ATP2C1: variants seen among roughly 807,000 people sequenced by gnomAD.
ATP2C1 encodes ATPase secretory pathway Ca2+ transporting 1, also known as calcium-transporting ATPase type 2C member 1.
A neutral mutation model predicts 120.5 loss-of-function variants in ATP2C1; 31 were observed. The observed-to-expected ratio is 0.26, with a 90% CI of 0.19 to 0.35. The LOEUF (loss-of-function observed/expected upper bound fraction) is 0.35. Ranked by LOEUF, ATP2C1 falls within the 10% of genes least tolerant of loss-of-function variation. The probability of loss-of-function intolerance (pLI) is 1.00; values close to 1 mark genes in which losing one functional copy is unlikely to be tolerated. For synonymous variants in ATP2C1, 351 were observed against 358.7 expected (o/e 0.98, Z 0.24); for missense variants, 731 against 1,107.5 (o/e 0.66, Z 4.83).
chr3:130,968,096 TGAGA>T (rs1383270885), intron 16 of ATP2C1, among the ~76,000 whole-genome samples: 2 of 152,164 alleles, frequency 1.3e-5, no homozygotes, highest in African/African-American at 4.8e-5. Context: ...TTGCTTGAAA[TGAGA>T]GACAGTACAG....
intron 18 of ATP2C1, among the ~76,000 whole-genome samples, chr3:130,977,920 AT>A (rs2061593311): frequency 6.6e-6 from 1 of 152,158 alleles, no homozygotes; most frequent in Non-Finnish European, 1.5e-5. Context: ...ATATTAGAGT[AT>A]ATTTTGTTTT....
chr3:130,961,865 T>G (rs1212672720), intron 12 of ATP2C1, among the ~76,000 whole-genome samples: 1 of 152,040 alleles, frequency 6.6e-6, no homozygotes, highest in Non-Finnish European at 1.5e-5. Flanking sequence ...GCCGTAATGA[T>G]GTGGGTGAAA....
At position 130,917,045 on chromosome 3, in the gene ATP2C1, A is replaced by G. The variant is rs372742527; in HGVS notation, c.7-13371A>G. Reference sequence around the variant, plus strand: ...AACTTCACGATGGTGTGAAAGCAGTAGACATTCAGTAGAAACTGTACTTCT... The same window carrying G: ...AACTTCACGATGGTGTGAAAGCAGTGGACATTCAGTAGAAACTGTACTTCT... On this transcript the variant is annotated intron_variant, in intron 2 of 27. Coordinates refer to ENST00000510168, the MANE Select transcript of ATP2C1 (RefSeq NM_001378687.1). 1.6e-4 allele frequency among the ~76,000 whole-genome samples: 24 copies of G among 152,342 alleles called. 1 individual carries two copies. In the South Asian group the frequency reaches 4.6e-3, roughly 29 times the overall value.
chr3:130,998,166 A>T, intron 25 of ATP2C1, 128 bp from the exon 26 acceptor site: 4 of 691,454 alleles, frequency 5.8e-6, no homozygotes, highest in African/African-American at 3.6e-5. Flanking sequence ...GGTAGCTTTT[A>T]TGTTTCATGT....
intron 1 of ATP2C1, among the ~76,000 whole-genome samples, chr3:130,851,234 T>TA (rs1343524335): frequency 2.0e-5 from 3 of 152,248 alleles, no homozygotes; most frequent in Non-Finnish European, 4.4e-5. Flanking sequence ...ATGCCTCAGA[T>TA]ACAAAATTTG....
chr3:130,952,622 T>C (rs950385982), intron 8 of ATP2C1, among the ~76,000 whole-genome samples: 2 of 152,208 alleles, frequency 1.3e-5, no homozygotes, highest in Admixed American at 1.3e-4. Context: ...CAGTAATTTA[T>C]CCTGTTTTCT....
intron 11 of ATP2C1, among the ~76,000 whole-genome samples, chr3:130,956,747 T>A (rs1051393048): frequency 6.6e-6 from 1 of 152,188 alleles, no homozygotes; most frequent in Non-Finnish European, 1.5e-5. Flanking sequence ...TTAAGTATTG[T>A]CATTAACTTC....
intron 2 of ATP2C1, among the ~76,000 whole-genome samples, chr3:130,896,073 A>G (rs1352551298): frequency 6.6e-6 from 1 of 152,210 alleles, no homozygotes; most frequent in Non-Finnish European, 1.5e-5. Flanking sequence ...TGCACATGAG[A>G]CAAAGAATGT....
intron 1 of ATP2C1, among the ~76,000 whole-genome samples, chr3:130,872,147 A>G (rs530027125): frequency 1.3e-5 from 2 of 152,310 alleles, no homozygotes; most frequent in East Asian, 3.9e-4. Context: ...GAGAATTTCA[A>G]TTGTTGATTT....
At chr3:130,879,943 G>A (rs762331754) in intron 1 of ATP2C1, among the ~76,000 whole-genome samples, 11 of 152,156 alleles carry the variant, frequency 7.2e-5, no homozygotes, top group Non-Finnish European at 1.2e-4. Flanking sequence ...TGACCTCATC[G>A]CTGGAATGGG....
At chr3:130,923,536 T>G (rs1464168778) in intron 2 of ATP2C1, among the ~76,000 whole-genome samples, 1 of 151,036 alleles carries the variant, frequency 6.6e-6, no homozygotes, top group Non-Finnish European at 1.5e-5. Context: ...CTTTTTTAAC[T>G]GTTGTTGCTT....
At chr3:130,919,544 A>G (rs1016083772) in intron 2 of ATP2C1, among the ~76,000 whole-genome samples, 2 of 152,132 alleles carry the variant, frequency 1.3e-5, no homozygotes, top group African/African-American at 4.8e-5. Flanking sequence ...AAGGCTACAT[A>G]GTATTCCATT....
At chr3:130,993,099 C>G (rs1231638278) in intron 21 of ATP2C1, 98 bp downstream of exon 21, 4 of 1,030,830 alleles carry the variant, frequency 3.9e-6, no homozygotes, top group Non-Finnish European at 3.0e-6. Flanking sequence ...GCATCAAGGT[C>G]AGAAATACTG....
At chr3:130,948,334 T>C (rs1328731730) in intron 8 of ATP2C1, among the ~76,000 whole-genome samples, 1 of 151,278 alleles carries the variant, frequency 6.6e-6, no homozygotes, top group Non-Finnish European at 1.5e-5. Flanking sequence ...GATAGAAAAT[T>C]ATTGGTTGAC....
At chr3:131,010,869 C>G (rs921485917) in intron 26 of ATP2C1, among the ~76,000 whole-genome samples, 1 of 152,226 alleles carries the variant, frequency 6.6e-6, no homozygotes, top group Non-Finnish European at 1.5e-5. Context: ...CACTCACTCA[C>G]TTCTTCCCAC....
intron 2 of ATP2C1, among the ~76,000 whole-genome samples, chr3:130,915,436 G>T (rs763012126): frequency 6.6e-6 from 1 of 152,028 alleles, no homozygotes; most frequent in Non-Finnish European, 1.5e-5. Context: ...TTTGTTTAGG[G>T]ATATAGTGTT....
intron 2 of ATP2C1, among the ~76,000 whole-genome samples, chr3:130,926,141 G>A (rs1037723446): frequency 2.0e-5 from 3 of 152,170 alleles, no homozygotes; most frequent in African/African-American, 4.8e-5. Flanking sequence ...AGGGTCTGTG[G>A]ATTCTCTTGG....
At chr3:130,937,580 T>TC in intron 6 of ATP2C1, 117 bp downstream of exon 6, 2 of 845,548 alleles carry the variant, frequency 2.4e-6, no homozygotes, top group Non-Finnish European at 2.0e-6. Flanking sequence ...AACAACTTAT[T>TC]CTTTGTTTTT....
At chr3:130,870,458 G>A (rs956748789) in intron 1 of ATP2C1, among the ~76,000 whole-genome samples, 1 of 152,192 alleles carries the variant, frequency 6.6e-6, no homozygotes, top group Non-Finnish European at 1.5e-5. Flanking sequence ...AAAAACATTT[G>A]TGATTCATGA....
Sources: gnomAD v4.1 joint callset for allele counts (sites outside exome capture counted in the v4.1 genomes callset) on GRCh38, gnomAD v4.1.1 for gene constraint, MANE v1.5 for transcripts, NCBI Gene and HGNC (gene_info 2026-07-23, HGNC 2026-07-21) for gene names.